NR1D2: variants seen among roughly 807,000 people sequenced by gnomAD.
NR1D2 encodes the protein nuclear receptor subfamily 1 group D member 2.
In NR1D2, 25 loss-of-function variants were observed where a neutral mutation model predicts 52.2. The ratio of observed to expected loss-of-function variants is 0.48; its 90% CI spans 0.35 to 0.67. NR1D2 has a LOEUF of 0.67. NR1D2 is among the 30% of genes least tolerant of loss of function. NR1D2 has a pLI of 0.01. For missense variants in NR1D2, 681 were observed against 707.2 expected (o/e 0.96, Z 0.42); for synonymous variants, 259 against 230.1 (o/e 1.13, Z -1.14).
intron 1 of NR1D2, among the ~76,000 whole-genome samples, chr3:23,951,601 G>C (rs1159312251): frequency 6.6e-6 from 1 of 152,252 alleles, no homozygotes; most frequent in African/African-American, 2.4e-5. Flanking sequence ...TCTAGGTTAA[G>C]TTGGTTTCTC....
Position 23,978,716 on chromosome 3 carries a change from GTGTA to G in NR1D2, c.*1301_*1304del, listed in dbSNP as rs1706805021. 1 of 152,104 alleles carries G rather than the reference GTGTA, an allele frequency of 6.6e-6. No individual in the cohort carries two copies. Among genetic ancestry groups the G allele is most frequent in the African/African-American group, 2.4e-5 (1 of 41,434 alleles). 9.4% of individuals were successfully genotyped at this position (152,104 alleles called of 1,614,324 possible). A position where few individuals can be genotyped will look rare whatever the true frequency, so the allele number is the denominator to read the frequency against. On this transcript the variant is annotated 3_prime_UTR_variant, in exon 8 of 8. Transcript: ENST00000312521. ...ATGGCATGTGTGTGTGTGCGTGCGTGTGTATGTTCTGAGTCCACTTCTTTTTTCC... is the reference window on the plus strand; with the variant it reads ...ATGGCATGTGTGTGTGTGCGTGCGTGTGTTCTGAGTCCACTTCTTTTTTCC...
chr3:23,962,472 T>C lies in NR1D2; in HGVS notation c.1013T>C (p.Ile338Thr). 6.2e-7 allele frequency: 1 copy of C among 1,614,122 alleles called. No homozygotes were observed. The highest frequency in any genetic ancestry group is 8.5e-7 in the Non-Finnish European group (1 of 1,179,950). The stretch of plus-strand genomic sequence containing the variant: ...TACCCAAATGGTCATGCCATTTGTA[T>C]TGCAAATGGACATTGTATGAACTTC... The part of the protein sequence containing the change: ...MHYPNGHAIC[I>T]ANGHCMNFSN... Residue 338 changes from isoleucine to threonine, a missense_variant, in exon 5 of 8, where the codon ATT becomes ACT. Physicochemically the swap from Ile to Thr is moderately conservative, Grantham distance 89. This residue lies in a region of NR1D2 where 475 missense variants were observed against 454.5 expected (regional missense o/e 1.05). Coordinates refer to ENST00000312521, the MANE Select transcript of NR1D2 (RefSeq NM_005126.5).
At chr3:23,951,436 A>G (rs1302212409) in intron 1 of NR1D2, among the ~76,000 whole-genome samples, 2 of 152,208 alleles carry the variant, frequency 1.3e-5, no homozygotes, top group Admixed American at 6.5e-5. Flanking sequence ...GACTAAGAAT[A>G]TTTGTCTTTG....
At chr3:23,959,588 A>G (rs1037111833) in intron 3 of NR1D2, 83 bp from the exon 4 acceptor site, 7 of 1,342,992 alleles carry the variant, frequency 5.2e-6, no homozygotes, top group African/African-American at 1.5e-5. Flanking sequence ...CGTCATATAC[A>G]CTAGATAGGT....
chr3:23,958,735 G>T (rs1275494942), intron 3 of NR1D2, among the ~76,000 whole-genome samples: 1 of 151,028 alleles, frequency 6.6e-6, no homozygotes, highest in East Asian at 1.9e-4. Flanking sequence ...ATCAGTTGAG[G>T]TCAGGAGTTC....
intron 6 of NR1D2, 73 bp downstream of exon 6, chr3:23,965,235 C>CTTTTTTTTTTT (rs371267256): frequency 7.0e-6 from 2 of 284,338 alleles, no homozygotes; most frequent in Non-Finnish European, 1.1e-5. Context: ...TGTTTTAATT[C>CTTTTTTTTTTT]TTTTTTTTTT....
At chr3:23,949,170 A>G (rs1228252450) in intron 1 of NR1D2, among the ~76,000 whole-genome samples, 1 of 152,208 alleles carries the variant, frequency 6.6e-6, no homozygotes, top group Non-Finnish European at 1.5e-5. Flanking sequence ...GTTCGAGACC[A>G]GCCTGGCTAA....
chr3:23,948,801 A>G (rs1418964084), intron 1 of NR1D2, among the ~76,000 whole-genome samples: 1 of 152,226 alleles, frequency 6.6e-6, no homozygotes, highest in Non-Finnish European at 1.5e-5. Context: ...AATGTACTTT[A>G]GCCTGCATAA....
chr3:23,964,090 T>G (rs1469910714), intron 5 of NR1D2, among the ~76,000 whole-genome samples: 2 of 151,720 alleles, frequency 1.3e-5, no homozygotes, highest in Non-Finnish European at 2.9e-5. Context: ...TTCTTTTTTT[T>G]TTTTTCGAGA....
chr3:23,970,438 G>A (rs1706557254), intron 7 of NR1D2, among the ~76,000 whole-genome samples: 1 of 151,996 alleles, frequency 6.6e-6, no homozygotes, highest in South Asian at 2.1e-4. Flanking sequence ...AATTTAATAT[G>A]GGTTCTTTGA....
rs779619219 is a variant in NR1D2, at chr3:23,954,492, G to A, written c.17-45G>A. The A allele has an allele frequency of 2.4e-5, 37 of 1,526,058 alleles. No homozygotes were observed. The South Asian group carries it at 2.5e-4, about 10-fold the overall frequency. The allele number at this position is 1,526,058 out of a possible 1,614,324, so 94.5% of individuals were successfully genotyped here. The stretch of plus-strand genomic sequence containing the variant: ...TGAGATTTGCAAAAATAAAAAATAC[G>A]TATTATCTTGTATCTAATTATGTGA... On this transcript the variant is annotated intron_variant, in intron 1 of 7. Transcript: ENST00000312521.
rs775848758 is a variant in NR1D2 at position 23,977,294 on chromosome 3, TTAA to T, written c.1620_1622del (p.Ile540del). ...AACTCTCATTCGTGCACTAAGGACC[TTAA>T]TAATGAAAAACCATCCAAATGAGGC... On this transcript the variant is annotated inframe_deletion, in exon 8 of 8. Transcript: ENST00000312521. The T allele has an allele frequency of 3.1e-6, 5 of 1,613,396 alleles. No homozygotes were observed. In the Admixed American group the frequency reaches 8.3e-5, roughly 27 times the overall value.
chr3:23,974,677 T>C (rs1392401569), intron 7 of NR1D2, among the ~76,000 whole-genome samples: 1 of 152,192 alleles, frequency 6.6e-6, no homozygotes, highest in African/African-American at 2.4e-5. Flanking sequence ...AGAGGGACTC[T>C]TCAAATCATT....
At chr3:23,946,015 A>T in intron 1 of NR1D2, 1 of 670,692 alleles carries the variant, frequency 1.5e-6, no homozygotes, top group Non-Finnish European at 1.8e-6. Context: ...GGCCGCAGGG[A>T]CACGTGGGGG....
At chr3:23,957,709 G>T in intron 3 of NR1D2, among the ~76,000 whole-genome samples, 1 of 151,284 alleles carries the variant, frequency 6.6e-6, no homozygotes, top group East Asian at 1.9e-4. Context: ...GGGCGACAGA[G>T]CCAGATTCCG....
chr3:23,954,894 C>T, intron 2 of NR1D2, 91 bp downstream of exon 2: 3 of 1,210,240 alleles, frequency 2.5e-6, no homozygotes, highest in Non-Finnish European at 3.5e-6. Flanking sequence ...CATTATGTTT[C>T]TGGGTACAGT....
intron 1 of NR1D2, among the ~76,000 whole-genome samples, chr3:23,947,363 C>T (rs1238800457): frequency 2.6e-5 from 4 of 152,232 alleles, no homozygotes; most frequent in African/African-American, 4.8e-5. Flanking sequence ...TGACCATCCC[C>T]TTCCCCCTTC....
chr3:23,947,707 G>T (rs1705787149), intron 1 of NR1D2, among the ~76,000 whole-genome samples: 1 of 152,176 alleles, frequency 6.6e-6, no homozygotes, highest in African/African-American at 2.4e-5. Flanking sequence ...AATTTACAAT[G>T]ACCATTCTTA....
At chr3:23,967,751 T>C in intron 6 of NR1D2, 62 bp from the exon 7 acceptor site, 1 of 1,299,032 alleles carries the variant, frequency 7.7e-7, no homozygotes, top group East Asian at 2.4e-5. Context: ...GATTGAATAC[T>C]AAGTTATTTT....
Sources: gnomAD v4.1 joint callset for allele counts (sites outside exome capture counted in the v4.1 genomes callset) on GRCh38, gnomAD v4.1.1 for gene constraint, gnomAD v4.1.1 regional missense constraint, MANE v1.5 for transcripts, NCBI Gene and HGNC (gene_info 2026-07-23, HGNC 2026-07-21) for gene names.